CADM2: variants seen among roughly 807,000 people sequenced by gnomAD.
The protein encoded by CADM2 is immunoglobulin superfamily member 4D.
Under a neutral mutation model 49.8 loss-of-function variants are expected in CADM2, and 12 were observed. The observed-to-expected ratio is 0.24, with a 90% CI of 0.15 to 0.39. The LOEUF (loss-of-function observed/expected upper bound fraction) is 0.39, where lower values mean the gene tolerates loss of function less well. Among genes scored for constraint, CADM2 ranks in the 10% least tolerant of loss-of-function variants. CADM2 has a pLI of 1.00. For missense variants in CADM2, 378 were observed against 492.3 expected, an observed-to-expected ratio of 0.77 and a Z score of 2.20; for synonymous variants, 214 against 175.4, an observed-to-expected ratio of 1.22 and a Z score of -1.74.
chr3:85,248,913 G>A (rs1228422481), intron 1 of CADM2, among the ~76,000 whole-genome samples: 2 of 152,088 alleles, frequency 1.3e-5, no homozygotes, highest in Non-Finnish European at 2.9e-5. Context: ...GGCCAAATCT[G>A]ATCTGGATAA....
chr3:85,935,395 T>A (rs1312599068), intron 6 of CADM2, among the ~76,000 whole-genome samples: 2 of 152,088 alleles, frequency 1.3e-5, no homozygotes, highest in Admixed American at 1.3e-4. Flanking sequence ...GTTATTCAGA[T>A]GCACATAAAT....
intron 5 of CADM2, among the ~76,000 whole-genome samples, chr3:85,893,910 G>T (rs186908128): frequency 1.3e-5 from 2 of 152,164 alleles, no homozygotes; most frequent in South Asian, 2.1e-4. Context: ...GACTGTAAAC[G>T]AATTCAACCG....
intron 1 of CADM2, among the ~76,000 whole-genome samples, chr3:85,664,858 A>T (rs1489874455): frequency 6.6e-6 from 1 of 151,810 alleles, no homozygotes; most frequent in Non-Finnish European, 1.5e-5. Context: ...TGCCCCCCTT[A>T]TGATATTTTT....
At chr3:85,527,335 A>T (rs2061184222) in intron 1 of CADM2, among the ~76,000 whole-genome samples, 1 of 150,816 alleles carries the variant, frequency 6.6e-6, no homozygotes, top group African/African-American at 2.4e-5. Context: ...TGGAGCCTAC[A>T]GTGAGCTATG....
chr3:85,411,616 G>A (rs2035660825), intron 1 of CADM2, among the ~76,000 whole-genome samples: 1 of 152,076 alleles, frequency 6.6e-6, no homozygotes, highest in Non-Finnish European at 1.5e-5. Context: ...CCAAATGTTG[G>A]TAAATGACTA....
intron 1 of CADM2, among the ~76,000 whole-genome samples, chr3:85,342,344 A>C (rs1437299568): frequency 1.3e-5 from 2 of 152,114 alleles, no homozygotes; most frequent in East Asian, 3.9e-4. Flanking sequence ...GGAAAAGGCA[A>C]ATTTTACCAT....
chr3:85,909,063 A>C (rs914099950), intron 5 of CADM2, among the ~76,000 whole-genome samples: 6 of 152,132 alleles, frequency 3.9e-5, no homozygotes, highest in Admixed American at 2.0e-4. Context: ...CATACATTGA[A>C]ATAAGCTAAT....
intron 2 of CADM2, among the ~76,000 whole-genome samples, chr3:85,761,367 C>CATTTTTTTTTTTTTTTTTTTT (rs1435295947): frequency 9.9e-6 from 1 of 101,090 alleles, no homozygotes. Context: ...CAACACAAAA[C>CATTTTTTTTTTTTTTTTTTTT]TTTTTTTTTT....
At chr3:85,871,902 G>A (rs1230307039) in intron 3 of CADM2, among the ~76,000 whole-genome samples, 3 of 152,156 alleles carry the variant, frequency 2.0e-5, no homozygotes, top group Admixed American at 1.3e-4. Context: ...TATTTGCATG[G>A]TGGTGTGGCT....
chr3:85,275,628 T>G (rs2043339423), intron 1 of CADM2, among the ~76,000 whole-genome samples: 1 of 151,276 alleles, frequency 6.6e-6, no homozygotes, highest in Non-Finnish European at 1.5e-5. Context: ...TTTCCATTGA[T>G]CTGGCTTCTG....
rs1360422394 is a variant in CADM2 at position 84,959,502 on chromosome 3, G to A, written c.-106G>A. On this transcript the variant is annotated 5_prime_UTR_variant, in exon 1 of 10. Coordinates refer to ENST00000383699, the MANE Select transcript of CADM2 (RefSeq NM_001167675.2). ...CGCAGCGGTGGGGACGGTGGGTCCG[G>A]CGGGCGCCGGGAGGAGGACACCAGC... 8.9e-7 allele frequency: 1 copy of A among 1,124,550 alleles called. No individual in the cohort carries two copies. Among genetic ancestry groups the A allele is most frequent in the Non-Finnish European group, 1.3e-6 (1 of 786,178 alleles). The allele number at this position is 1,124,550 out of a possible 1,614,324, so 69.7% of individuals were successfully genotyped here. A position where few individuals can be genotyped will look rare whatever the true frequency, so the allele number is the denominator to read the frequency against.
At chr3:85,638,604 A>T (rs749167723) in intron 1 of CADM2, among the ~76,000 whole-genome samples, 1 of 152,032 alleles carries the variant, frequency 6.6e-6, no homozygotes, top group African/African-American at 2.4e-5. Context: ...TTTACTGTAA[A>T]TATTTTCTAC....
At chr3:85,041,900 A>C (rs774758899) in intron 1 of CADM2, among the ~76,000 whole-genome samples, 7 of 152,222 alleles carry the variant, frequency 4.6e-5, no homozygotes, top group Non-Finnish European at 8.8e-5. Context: ...GTCTTACAGT[A>C]AGTGACAGTT....
At chr3:85,307,406 T>C (rs1156858218) in intron 1 of CADM2, among the ~76,000 whole-genome samples, 3 of 151,724 alleles carry the variant, frequency 2.0e-5, no homozygotes, top group Admixed American at 6.6e-5. Context: ...AATTATTTGT[T>C]TCTTGATCCC....
At chr3:85,415,543 C>A (rs538735502) in intron 1 of CADM2, among the ~76,000 whole-genome samples, 1 of 151,898 alleles carries the variant, frequency 6.6e-6, no homozygotes, top group East Asian at 1.9e-4. Flanking sequence ...TAAAAAACAA[C>A]TGTTTTATAT....
intron 6 of CADM2, among the ~76,000 whole-genome samples, chr3:85,917,487 G>A (rs1255813627): frequency 1.3e-5 from 2 of 152,086 alleles, no homozygotes; most frequent in Non-Finnish European, 2.9e-5. Context: ...TAGATATGCA[G>A]CATTATTTCT....
At chr3:85,978,532 C>G (rs979729466) in intron 8 of CADM2, among the ~76,000 whole-genome samples, 2 of 151,454 alleles carry the variant, frequency 1.3e-5, no homozygotes, top group Non-Finnish European at 3.0e-5. Context: ...TATTAGAAGG[C>G]GTTACCAGTT....
chr3:85,427,181 TA>T (rs563995162), intron 1 of CADM2, among the ~76,000 whole-genome samples: 166 of 58,878 alleles, frequency 2.8e-3, no homozygotes, highest in African/African-American at 5.2e-3. Flanking sequence ...TATATATATA[TA>T]TATATATATA....
At chr3:85,705,692 T>A (rs1001354360) in intron 1 of CADM2, among the ~76,000 whole-genome samples, 1 of 152,234 alleles carries the variant, frequency 6.6e-6, no homozygotes, top group Non-Finnish European at 1.5e-5. Flanking sequence ...AACTAGAATT[T>A]GTTCTACATA....
Sources: gnomAD v4.1 joint callset for allele counts (sites outside exome capture counted in the v4.1 genomes callset) on GRCh38, gnomAD v4.1.1 for gene constraint, MANE v1.5 for transcripts, NCBI Gene and HGNC (gene_info 2026-07-23, HGNC 2026-07-21) for gene names.